CLEC4A: variants seen among roughly 807,000 people sequenced by gnomAD.
The protein encoded by CLEC4A is C-type lectin domain family 4 member A, also known as C-type (calcium dependent, carbohydrate-recognition domain) lectin, superfamily member 6.
Under a neutral mutation model 32.7 loss-of-function variants are expected in CLEC4A, and 27 were observed. The observed-to-expected ratio is 0.83, with a 90% confidence interval of 0.61 to 1.14. The LOEUF is 1.14. Among genes scored for constraint, CLEC4A ranks in the 50% most tolerant of loss-of-function variants. The pLI is 0.00. For synonymous variants in CLEC4A, 89 were observed against 93.7 expected, an observed-to-expected ratio of 0.95 and a Z score of 0.29; for missense variants, 253 against 274.6, an observed-to-expected ratio of 0.92 and a Z score of 0.55.
chr12:8,109,230 T>C, the CLEC4A span, among the ~76,000 whole-genome samples: 31 of 152,176 alleles, frequency 2.0e-4, 1 homozygote, highest in African/African-American at 6.3e-4. Flanking sequence ...AAATAGCTGT[T>C]TGGGCAGGCA....
intron 3 of CLEC4A, among the ~76,000 whole-genome samples, chr12:8,130,037 T>C (rs1001006416): frequency 1.3e-5 from 2 of 152,184 alleles, no homozygotes; most frequent in Admixed American, 1.3e-4. Context: ...AGTTTCACCA[T>C]GTTGCCCAGG....
chr12:8,119,009 A>G (rs1947810460), upstream of CLEC4A, among the ~76,000 whole-genome samples: 1 of 152,186 alleles, frequency 6.6e-6, no homozygotes, highest in Non-Finnish European at 1.5e-5. Flanking sequence ...TGGGCTTCCC[A>G]ACCTCCAGAA....
the CLEC4A span, among the ~76,000 whole-genome samples, chr12:8,103,013 G>GA: frequency 3.3e-5 from 5 of 151,582 alleles, no homozygotes; most frequent in South Asian, 1.0e-3. Flanking sequence ...TTTTGTTTGG[G>GA]AAAAAAAATG....
the CLEC4A span, among the ~76,000 whole-genome samples, chr12:8,107,065 T>A: frequency 6.6e-6 from 1 of 152,168 alleles, no homozygotes; most frequent in Non-Finnish European, 1.5e-5. Context: ...CCTAGTGTGT[T>A]GAGGGTTTTT....
intron 3 of CLEC4A, 133 bp from the exon 4 acceptor site, chr12:8,135,452 T>C (rs1948096021): frequency 4.9e-6 from 4 of 819,364 alleles, no homozygotes; most frequent in Admixed American, 2.8e-5. Context: ...GGGCAGGGGC[T>C]CCTGGTTGCA....
At position 8,129,509 on chromosome 12, in the gene CLEC4A, C is replaced by T. The variant is rs1947959024; in HGVS notation, c.298+147C>T. The T allele has an allele frequency of 9.2e-6, 6 of 654,892 alleles. No homozygotes were observed. In the South Asian group the frequency reaches 1.0e-4, roughly 11 times the overall value. 40.6% of individuals were successfully genotyped at this position (654,892 alleles called of 1,614,324 possible). A position where few individuals can be genotyped will look rare whatever the true frequency, so the allele number is the denominator to read the frequency against. Reference sequence around the variant, plus strand: ...GCTACAAATGTACAAATATCTAGGACATGCTGGGCATGGTGGCTCACACCT... The same window carrying T: ...GCTACAAATGTACAAATATCTAGGATATGCTGGGCATGGTGGCTCACACCT... On this transcript the variant is annotated intron_variant, in intron 3 of 5. Transcript: ENST00000229332.
At chr12:8,135,758 G>A in intron 4 of CLEC4A, 22 bp downstream of exon 4, 1 of 1,611,376 alleles carries the variant, frequency 6.2e-7, no homozygotes, top group Non-Finnish European at 8.5e-7. Context: ...TAGATAATGG[G>A]GCTGTGAGCC....
At chr12:8,114,702 A>G in the CLEC4A span, among the ~76,000 whole-genome samples, 3 of 152,200 alleles carry the variant, frequency 2.0e-5, no homozygotes, top group Non-Finnish European at 4.4e-5. Context: ...ATTATGAATT[A>G]TATGGAAGTC....
At chr12:8,123,443 A>T (rs969152354), upstream of CLEC4A, among the ~76,000 whole-genome samples, 2 of 152,238 alleles carry the variant, frequency 1.3e-5, no homozygotes, top group African/African-American at 4.8e-5. Flanking sequence ...ACATAAGTCT[A>T]TGTTCAGGAT....
the CLEC4A span, among the ~76,000 whole-genome samples, chr12:8,110,053 C>T: frequency 1.3e-5 from 2 of 151,994 alleles, no homozygotes; most frequent in African/African-American, 4.8e-5. Context: ...CCTGCTCAAC[C>T]CCTTTTATAG....
chr12:8,122,791 A>T (rs1005408832), upstream of CLEC4A, among the ~76,000 whole-genome samples: 3 of 152,074 alleles, frequency 2.0e-5, no homozygotes, highest in Non-Finnish European at 4.4e-5. Flanking sequence ...AGATATAGAA[A>T]TAATATAGAA....
At chr12:8,137,013 T>C in intron 5 of CLEC4A, 110 bp downstream of exon 5, 1 of 636,812 alleles carries the variant, frequency 1.6e-6, no homozygotes, top group South Asian at 2.0e-5. Flanking sequence ...CTTTTAGCTC[T>C]TGGGTACTAG....
At chr12:8,126,873 T>C (rs1055828314) in intron 2 of CLEC4A, among the ~76,000 whole-genome samples, 11 of 152,156 alleles carry the variant, frequency 7.2e-5, no homozygotes, top group Admixed American at 5.2e-4. Flanking sequence ...CTGGAACATA[T>C]GGTGCTAAGT....
chr12:8,115,315 A>G, the CLEC4A span, among the ~76,000 whole-genome samples: 1 of 152,222 alleles, frequency 6.6e-6, no homozygotes, highest in Non-Finnish European at 1.5e-5. Context: ...ATCAGAATCA[A>G]CTGAAGGGCT....
chr12:8,126,239 C>T lies in CLEC4A; in HGVS notation c.199+562C>T, dbSNP rs376367853. 9.9e-5 allele frequency among the ~76,000 whole-genome samples: 15 copies of T among 152,274 alleles called. No individual in the cohort carries two copies. In the South Asian group the frequency reaches 2.7e-3, roughly 27 times the overall value. On this transcript the variant is annotated intron_variant, in intron 2 of 5. Coordinates refer to ENST00000229332, the MANE Select transcript of CLEC4A (RefSeq NM_016184.4). ...TTGTTGAGTTTTATTCCCCCTGGTT[C>T]TGTCACCCAGGCTGGAGTGCATTGG...
chr12:8,112,082 C>T, the CLEC4A span, among the ~76,000 whole-genome samples: 2 of 152,084 alleles, frequency 1.3e-5, no homozygotes, highest in African/African-American at 4.8e-5. Context: ...AATTCTCCTG[C>T]CTCAGCCTCC....
At chr12:8,115,194 C>CTT in the CLEC4A span, among the ~76,000 whole-genome samples, 5 of 152,106 alleles carry the variant, frequency 3.3e-5, no homozygotes, top group Non-Finnish European at 4.4e-5. Context: ...TTTGAACACC[C>CTT]AAATGTGAAA....
Position 8,138,513 on chromosome 12 carries a change from C to A in CLEC4A, c.*226C>A. 2.1e-6 allele frequency: 1 copy of A among 465,390 alleles called. No individual in the cohort carries two copies. 28.8% of individuals were successfully genotyped at this position (465,390 alleles called of 1,614,324 possible). ...TGCCAGAGCCTGTACTGGAGGCCCC[C>A]ATTGTGCACACATGGAGAGAACATG... On this transcript the variant is annotated 3_prime_UTR_variant, in exon 6 of 6. Transcript: ENST00000229332.
At chr12:8,130,936 T>C (rs764044180) in intron 3 of CLEC4A, among the ~76,000 whole-genome samples, 11 of 152,318 alleles carry the variant, frequency 7.2e-5, no homozygotes, top group Non-Finnish European at 1.0e-4. Flanking sequence ...CCACGTTACA[T>C]TGAATTCTCA....
Sources: gnomAD v4.1 joint callset for allele counts (sites outside exome capture counted in the v4.1 genomes callset) on GRCh38, gnomAD v4.1.1 for gene constraint, MANE v1.5 for transcripts, NCBI Gene and HGNC (gene_info 2026-07-23, HGNC 2026-07-21) for gene names.